The following CCDC138 variants were observed in gnomAD, a reference collection of about 807,000 sequenced individuals.
CCDC138 encodes the protein coiled-coil domain containing 138, also known as coiled-coil domain-containing protein 138.
A neutral mutation model predicts 82.3 loss-of-function variants in CCDC138; 66 were observed. The ratio of observed to expected loss-of-function variants is 0.80; its 90% CI spans 0.66 to 0.98. CCDC138 has a LOEUF of 0.98. Among genes scored for constraint, CCDC138 ranks in the 50% least tolerant of loss-of-function variants. The pLI is 0.00. For missense variants in CCDC138, 816 were observed against 758.9 expected (o/e 1.08, Z -0.88); for synonymous variants, 297 against 265.4 (o/e 1.12, Z -1.16).
chr2:108,790,133 T>TAATAA (rs1679664019), intron 3 of CCDC138, among the ~76,000 whole-genome samples: 1 of 152,138 alleles, frequency 6.6e-6, no homozygotes. Context: ...TAATAAGTAC[T>TAATAA]CAAATGTTAC....
At chr2:108,849,370 G>A (rs1489061905) in intron 12 of CCDC138, among the ~76,000 whole-genome samples, 1 of 152,122 alleles carries the variant, frequency 6.6e-6, no homozygotes, top group Admixed American at 6.5e-5. Context: ...GTCCAGCTGA[G>A]CTCATGGTCA....
chr2:108,859,632 G>T (rs565498838), intron 13 of CCDC138, among the ~76,000 whole-genome samples: 2 of 152,072 alleles, frequency 1.3e-5, no homozygotes, highest in African/African-American at 4.8e-5. Context: ...TTTTATTTCA[G>T]TTTCTCTATT....
At chr2:108,829,254 A>G (rs1471268937) in intron 10 of CCDC138, among the ~76,000 whole-genome samples, 2 of 152,310 alleles carry the variant, frequency 1.3e-5, no homozygotes, top group Admixed American at 6.5e-5. Flanking sequence ...GCTACCCACA[A>G]TATATAAGGA....
chr2:108,807,836 T>C (rs1683128180), intron 7 of CCDC138, among the ~76,000 whole-genome samples: 1 of 152,190 alleles, frequency 6.6e-6, no homozygotes, highest in African/African-American at 2.4e-5. Context: ...CAGGGTGGTC[T>C]CAAACCAAGT....
chr2:108,865,161 A>G (rs911647714), intron 13 of CCDC138, among the ~76,000 whole-genome samples: 5 of 152,104 alleles, frequency 3.3e-5, no homozygotes, highest in African/African-American at 1.2e-4. Flanking sequence ...GATATATATT[A>G]TGATCAGCAT....
intron 9 of CCDC138, 93 bp from the exon 10 acceptor site, chr2:108,815,847 CA>C (rs1456879503): frequency 3.8e-5 from 40 of 1,052,588 alleles, no homozygotes; most frequent in Non-Finnish European, 5.3e-5. Flanking sequence ...TTACTTTAGT[CA>C]AATTATTCTT....
rs375526634 is a variant in CCDC138 at position 108,859,704 on chromosome 2, C to T, written c.1693+2734C>T. Among the ~76,000 whole-genome samples the T allele has an allele frequency of 7.9e-5, 12 of 152,120 alleles. No individual in the cohort carries two copies. In the East Asian group the frequency reaches 1.7e-3, roughly 22 times the overall value. Reference sequence around the variant, plus strand: ...TACCATGGTGTTTGGTTACTATAGCCTTGTAGTATAGTTTGAAGTCAGATA... The same window carrying T: ...TACCATGGTGTTTGGTTACTATAGCTTTGTAGTATAGTTTGAAGTCAGATA... On this transcript the variant is annotated intron_variant, in intron 13 of 14. Coordinates refer to ENST00000295124, the MANE Select transcript of CCDC138 (RefSeq NM_144978.3).
At chr2:108,840,830 CAG>C (rs1689342242) in intron 11 of CCDC138, among the ~76,000 whole-genome samples, 1 of 136,230 alleles carries the variant, frequency 7.3e-6, no homozygotes, top group Non-Finnish European at 1.6e-5. Context: ...TTTTTTGAGA[CAG>C]AGCCTCACTC....
intron 9 of CCDC138, among the ~76,000 whole-genome samples, chr2:108,815,552 C>G (rs1298807469): frequency 6.7e-6 from 1 of 149,264 alleles, no homozygotes; most frequent in Admixed American, 6.7e-5. Flanking sequence ...CTGCAGCCTC[C>G]ACCTCCTGGT....
intron 7 of CCDC138, among the ~76,000 whole-genome samples, chr2:108,812,319 T>G: frequency 6.6e-6 from 1 of 152,160 alleles, no homozygotes; most frequent in Admixed American, 6.5e-5. Flanking sequence ...ATACTTTTCT[T>G]TATATGTGTT....
intron 3 of CCDC138, 93 bp downstream of exon 3, chr2:108,789,059 T>C: frequency 7.6e-7 from 1 of 1,323,658 alleles, no homozygotes; most frequent in South Asian, 1.3e-5. Flanking sequence ...TGCTCTTTCC[T>C]GAGGACAAGT....
At chr2:108,789,950 C>A (rs1004408171) in intron 3 of CCDC138, among the ~76,000 whole-genome samples, 2 of 152,066 alleles carry the variant, frequency 1.3e-5, no homozygotes, top group Non-Finnish European at 2.9e-5. Flanking sequence ...AAGATGTATC[C>A]ATATATAACA....
At chr2:108,851,975 C>T (rs961591291) in intron 12 of CCDC138, among the ~76,000 whole-genome samples, 1 of 152,176 alleles carries the variant, frequency 6.6e-6, no homozygotes, top group Non-Finnish European at 1.5e-5. Flanking sequence ...CTAATTTAGC[C>T]TCTATCAATT....
chr2:108,797,954 G>T (rs986245613), intron 5 of CCDC138, among the ~76,000 whole-genome samples: 1 of 119,676 alleles, frequency 8.4e-6, no homozygotes, highest in African/African-American at 3.0e-5. Flanking sequence ...CACTTTTCAC[G>T]GTGTGTGATT....
intron 10 of CCDC138, among the ~76,000 whole-genome samples, chr2:108,828,014 T>C (rs1201024432): frequency 6.6e-6 from 1 of 151,726 alleles, no homozygotes; most frequent in Non-Finnish European, 1.5e-5. Context: ...CAAAAACAGA[T>C]CCAAACTTGT....
At chr2:108,790,109 C>T (rs10187902) in intron 3 of CCDC138, among the ~76,000 whole-genome samples, 6,501 of 151,980 alleles carry the variant, frequency 0.043, 463 homozygotes, top group African/African-American at 0.14. Context: ...ACACTTTGAA[C>T]AGTTCTGGGT....
At chr2:108,873,345 C>T (rs186521046) in intron 13 of CCDC138, 106 bp from the exon 14 acceptor site, 1 of 1,052,772 alleles carries the variant, frequency 9.5e-7, no homozygotes, top group Non-Finnish European at 1.3e-6. Context: ...GAATGAAAAT[C>T]TAAATGAATA....
chr2:108,824,234 GT>G (rs1011925250), intron 10 of CCDC138, among the ~76,000 whole-genome samples: 3 of 151,730 alleles, frequency 2.0e-5, no homozygotes, highest in Non-Finnish European at 4.4e-5. Context: ...AAACTTTTTA[GT>G]TTTTTTAACT....
chr2:108,842,689 C>G (rs2150511293), intron 11 of CCDC138, among the ~76,000 whole-genome samples: 1 of 152,256 alleles, frequency 6.6e-6, no homozygotes, highest in East Asian at 1.9e-4. Flanking sequence ...AGGCAGATAT[C>G]TGAATCAAAC....
Sources: allele counts gnomAD v4.1 joint callset (sites outside exome capture counted in the v4.1 genomes callset), GRCh38; gene constraint gnomAD v4.1.1; transcripts MANE v1.5; gene names NCBI Gene and HGNC (gene_info 2026-07-23, HGNC 2026-07-21).